Variants in DSTYK observed in about 807,000 individuals in gnomAD.
DSTYK encodes dual serine/threonine and tyrosine protein kinase, also known as RIP-homologous kinase.
Under a neutral mutation model 98.7 loss-of-function variants are expected in DSTYK, and 34 were observed. The ratio of observed to expected loss-of-function variants is 0.34; its 90% CI spans 0.26 to 0.46. The LOEUF (loss-of-function observed/expected upper bound fraction) is 0.46. Among genes scored for constraint, DSTYK ranks in the 20% least tolerant of loss-of-function variants. DSTYK has a pLI of 1.00. For missense variants in DSTYK, 962 were observed against 1,181.7 expected, an observed-to-expected ratio of 0.81 and a Z score of 2.73; for synonymous variants, 462 against 457.3, an observed-to-expected ratio of 1.01 and a Z score of -0.13.
At position 205,191,970 on chromosome 1, in the gene DSTYK, C is replaced by T. The variant is rs867437614; in HGVS notation, c.266-4164G>A. Among the ~76,000 whole-genome samples, 9 of 152,100 alleles carry T rather than the reference C, an allele frequency of 5.9e-5. No individual in the cohort carries two copies. The South Asian group carries it at 6.2e-4, about 11-fold the overall frequency. On this transcript the variant is annotated intron_variant, in intron 1 of 12. Transcript: ENST00000367162. Reference sequence around the variant, plus strand: ...ACTCTGGCTGGAGGAAAAATCATATCAAATTGTCTTAAGTGCAAACCAAGG... The same window carrying T: ...ACTCTGGCTGGAGGAAAAATCATATTAAATTGTCTTAAGTGCAAACCAAGG...
chr1:205,193,766 G>A (rs1658779889), intron 1 of DSTYK, among the ~76,000 whole-genome samples: 1 of 151,964 alleles, frequency 6.6e-6, no homozygotes, highest in Admixed American at 6.6e-5. Flanking sequence ...AACTAGTTAG[G>A]AGGCTAAGGC....
intron 1 of DSTYK, among the ~76,000 whole-genome samples, chr1:205,189,504 C>T (rs1251513555): frequency 6.6e-6 from 1 of 152,206 alleles, no homozygotes; most frequent in Non-Finnish European, 1.5e-5. Context: ...ACAGTATTTG[C>T]TTTAGTCACT....
At position 205,157,035 on chromosome 1, in the gene DSTYK, T is replaced by C. The variant is rs546945896; in HGVS notation, c.2352+238A>G. On this transcript the variant is annotated intron_variant, in intron 10 of 12. Transcript: ENST00000367162. Reference sequence around the variant, plus strand: ...GAAGAAGAATGTGTTTATTTCCCCTTCCACCATAACTAAAAGTTTCCTGAG... The same window carrying C: ...GAAGAAGAATGTGTTTATTTCCCCTCCCACCATAACTAAAAGTTTCCTGAG... 2.6e-5 allele frequency among the ~76,000 whole-genome samples: 4 copies of C among 152,338 alleles called. No homozygotes were observed. The South Asian group carries it at 8.3e-4, about 32-fold the overall frequency.
chr1:205,211,298 C>G lies in DSTYK; in HGVS notation c.238G>C (p.Asp80His). The G allele has an allele frequency of 2.5e-6, 4 of 1,608,836 alleles. No individual in the cohort carries two copies. Among genetic ancestry groups the G allele is most frequent in the Non-Finnish European group, 3.4e-6 (4 of 1,178,142 alleles). ...GCCTGCAGCCCGGTTTCGGCGACAT[C>G]GCCTGCAGGGCCGCGCTCGGCCCCG... is the stretch of plus-strand genomic sequence containing the variant. Reference protein sequence around the residue: ...GGGAERGPAGDVAETGLQAGQ... With the variant: ...GGGAERGPAGHVAETGLQAGQ... The change falls in exon 1 of 13, where the codon GAT becomes CAT. Residue 80 changes from aspartate to histidine, a missense_variant. Physicochemically the swap from Asp to His is moderately conservative, Grantham distance 81 (BLOSUM62 -1). Transcript: ENST00000367162.
chr1:205,160,589 G>A (rs1657689352), intron 7 of DSTYK, among the ~76,000 whole-genome samples: 1 of 152,082 alleles, frequency 6.6e-6, no homozygotes, highest in Non-Finnish European at 1.5e-5. Flanking sequence ...ACCCACCGTG[G>A]CCTCCCAAAG....
chr1:205,192,367 G>A (rs1172689595), intron 1 of DSTYK, among the ~76,000 whole-genome samples: 5 of 151,794 alleles, frequency 3.3e-5, no homozygotes, highest in Non-Finnish European at 5.9e-5. Flanking sequence ...AACCCCCGCC[G>A]TGCCTTTGTT....
At chr1:205,149,604 T>G (rs1574744452) in intron 11 of DSTYK, among the ~76,000 whole-genome samples, 1 of 152,338 alleles carries the variant, frequency 6.6e-6, no homozygotes, top group East Asian at 1.9e-4. Context: ...TAACACCAGC[T>G]TAATCATGGA....
chr1:205,176,946 T>C (rs1275545724), intron 2 of DSTYK, among the ~76,000 whole-genome samples: 1 of 152,120 alleles, frequency 6.6e-6, no homozygotes. Flanking sequence ...GTCTCACGCC[T>C]GTAATCCTGG....
At chr1:205,210,133 C>T (rs776560499) in intron 1 of DSTYK, among the ~76,000 whole-genome samples, 21 of 152,050 alleles carry the variant, frequency 1.4e-4, no homozygotes, top group Non-Finnish European at 4.4e-5. Context: ...AATTCCTGAC[C>T]TCAAGTGATC....
intron 1 of DSTYK, among the ~76,000 whole-genome samples, chr1:205,203,315 T>C (rs1302410634): frequency 6.8e-6 from 1 of 146,726 alleles, no homozygotes; most frequent in Non-Finnish European, 1.5e-5. Context: ...AAACCCCGTC[T>C]CTACCAAAAA....
At chr1:205,164,758 G>A (rs1657839414) in intron 3 of DSTYK, among the ~76,000 whole-genome samples, 1 of 152,138 alleles carries the variant, frequency 6.6e-6, no homozygotes, top group African/African-American at 2.4e-5. Context: ...ACCGTGCCCG[G>A]CAATTTTGTT....
chr1:205,183,036 T>C (rs1658460694), intron 2 of DSTYK, among the ~76,000 whole-genome samples: 1 of 148,364 alleles, frequency 6.7e-6, no homozygotes, highest in African/African-American at 2.5e-5. Flanking sequence ...CTTCTGCTGC[T>C]GCTTCTTCCT....
chr1:205,165,132 C>T (rs564316791), intron 3 of DSTYK, among the ~76,000 whole-genome samples: 1 of 152,106 alleles, frequency 6.6e-6, no homozygotes, highest in Non-Finnish European at 1.5e-5. Context: ...TTAGCTCTAT[C>T]GCCTAGGCTG....
In DSTYK at chr1:205,162,941, T is replaced by C. The variant is rs750274310; in HGVS notation, c.1623A>G (p.Leu541=). 1.9e-6 allele frequency: 3 copies of C among 1,613,712 alleles called. No homozygotes were observed. The highest frequency in any genetic ancestry group is 4.5e-5 in the East Asian group (2 of 44,882). ...FHSGSSVTRM[L]WEQIKQIIQR... ...TCCCTACCTGTTTGATTTGCTCCCA[T>C]AGCATCCTTGTAACTGACGACCCTG... Residue 541 remains leucine (L), a synonymous_variant, in exon 5 of 13, where the codon CTA becomes CTG. Coordinates refer to ENST00000367162, the MANE Select transcript of DSTYK (RefSeq NM_015375.3).
At chr1:205,207,774 A>G (rs1659251760) in intron 1 of DSTYK, among the ~76,000 whole-genome samples, 2 of 109,168 alleles carry the variant, frequency 1.8e-5, no homozygotes, top group South Asian at 3.4e-4. Flanking sequence ...AAAAAAAAAA[A>G]AAAAAAAAAA....
chr1:205,208,412 T>C (rs951340931), intron 1 of DSTYK, among the ~76,000 whole-genome samples: 3 of 152,224 alleles, frequency 2.0e-5, no homozygotes, highest in Non-Finnish European at 4.4e-5. Flanking sequence ...ATTTCAAATT[T>C]AGAGTTAATC....
At chr1:205,198,710 G>T (rs1174401803) in intron 1 of DSTYK, among the ~76,000 whole-genome samples, 1 of 151,520 alleles carries the variant, frequency 6.6e-6, no homozygotes, top group Non-Finnish European at 1.5e-5. Flanking sequence ...TGGCAAGTTT[G>T]ACTTGATTTA....
At chr1:205,188,720 A>T (rs917240927) in intron 1 of DSTYK, among the ~76,000 whole-genome samples, 2 of 152,198 alleles carry the variant, frequency 1.3e-5, no homozygotes, top group Admixed American at 6.5e-5. Flanking sequence ...TATAAAATGA[A>T]ATGTTATTCA....
intron 7 of DSTYK, 151 bp from the exon 8 acceptor site, chr1:205,160,421 T>C (rs1358215018): frequency 8.2e-6 from 6 of 730,118 alleles, no homozygotes; most frequent in Non-Finnish European, 1.3e-5. Context: ...CTGCAACCTC[T>C]GCCTCCTGGG....
Sources: gnomAD v4.1 joint callset for allele counts (sites outside exome capture counted in the v4.1 genomes callset) on GRCh38, gnomAD v4.1.1 for gene constraint, MANE v1.5 for transcripts, NCBI Gene and HGNC (gene_info 2026-07-23, HGNC 2026-07-21) for gene names.